DCDC1: variants seen among roughly 807,000 people sequenced by gnomAD.
The protein encoded by DCDC1 is doublecortin domain-containing protein 1.
Under a neutral mutation model 178.3 loss-of-function variants are expected in DCDC1, and 200 were observed. The ratio of observed to expected loss-of-function variants is 1.12; its 90% confidence interval spans 1.00 to 1.26. DCDC1 has a LOEUF of 1.26. Ranked by LOEUF, DCDC1 falls within the 50% of genes most tolerant of loss-of-function variation. The pLI is 0.00. For missense variants in DCDC1, 1,983 were observed against 1,749.2 expected (o/e 1.13, Z -2.38); for synonymous variants, 690 against 604.8 (o/e 1.14, Z -2.07).
rs58611104 is a variant in DCDC1, at chr11:31,054,244, G to GA, written c.2591+10224dup. Reference sequence around the variant, plus strand: ...TACAATAGCTGAAAAAAGGAAAAAAGAAAAAAAAAAAAAACAACTTAAGAA... The same window carrying GA: ...TACAATAGCTGAAAAAAGGAAAAAAGAAAAAAAAAAAAAAACAACTTAAGAA... On this transcript the variant is annotated intron_variant, in intron 20 of 38. Transcript: ENST00000684477. Among the ~76,000 whole-genome samples the GA allele has an allele frequency of 2.9e-3, 341 of 119,024 alleles. 1 individual carries two copies. Among genetic ancestry groups the GA allele is most frequent in the Middle Eastern group, 4.3e-3 (1 of 232 alleles). 78.1% of individuals were successfully genotyped at this position (119,024 alleles called of 152,430 possible).
intron 20 of DCDC1, among the ~76,000 whole-genome samples, chr11:30,988,483 C>G (rs906892364): frequency 6.6e-6 from 1 of 151,750 alleles, no homozygotes. Context: ...AAAATAAGCA[C>G]TCTATTTGGT....
chr11:30,985,294 A>G (rs1033854564), intron 20 of DCDC1, among the ~76,000 whole-genome samples: 3 of 152,194 alleles, frequency 2.0e-5, no homozygotes, highest in Non-Finnish European at 4.4e-5. Flanking sequence ...AGGAGAATGC[A>G]ATCATTTCAG....
chr11:31,177,515 C>A lies in DCDC1; in HGVS notation c.1222-39731G>T, dbSNP rs572751684. Among the ~76,000 whole-genome samples the A allele has an allele frequency of 9.2e-5, 14 of 152,200 alleles. No homozygotes were observed. In the East Asian group the frequency reaches 2.3e-3, roughly 25 times the overall value. ...ATTAAGAGAACTGTAGGAGTAAGTC[C>A]TTATCCATCAGTAATAATCTTCAAT... On this transcript the variant is annotated intron_variant, in intron 9 of 38. Transcript: ENST00000684477.
intron 9 of DCDC1, among the ~76,000 whole-genome samples, chr11:31,183,335 A>G (rs1047883183): frequency 2.0e-5 from 3 of 152,228 alleles, no homozygotes; most frequent in African/African-American, 7.2e-5. Flanking sequence ...AAAATTGACC[A>G]CATAATTGGA....
rs151020973 is a variant in DCDC1 at position 31,203,432 on chromosome 11, G to A, written c.1221+38018C>T. ...CTGTGTTTCTGAGGTCATAGGGATA[G>A]TTTGCAGCCACTGGTTACAGACTGA... On this transcript the variant is annotated intron_variant, in intron 9 of 38. Transcript: ENST00000684477. 4.9e-3 allele frequency among the ~76,000 whole-genome samples: 749 copies of A among 152,314 alleles called. 2 individuals carry two copies. The highest frequency in any genetic ancestry group is 0.01 in the Middle Eastern group (3 of 292).
intron 9 of DCDC1, among the ~76,000 whole-genome samples, chr11:31,236,663 A>C (rs1411997282): frequency 1.3e-5 from 2 of 151,954 alleles, no homozygotes; most frequent in Admixed American, 6.6e-5. Flanking sequence ...AAAAATCAAC[A>C]ATCACTCAAA....
intron 9 of DCDC1, among the ~76,000 whole-genome samples, chr11:31,209,280 C>T (rs553229679): frequency 5.6e-4 from 85 of 152,236 alleles, no homozygotes; most frequent in South Asian, 2.9e-3. Context: ...AAGTTAAGTA[C>T]GTTCCCTCCG....
chr11:31,328,927 A>T (rs1949798328), intron 2 of DCDC1, among the ~76,000 whole-genome samples: 1 of 149,086 alleles, frequency 6.7e-6, no homozygotes, highest in African/African-American at 2.4e-5. Context: ...TACGTTACTG[A>T]AAAAGCACAC....
intron 9 of DCDC1, among the ~76,000 whole-genome samples, chr11:31,196,466 C>G (rs1040000718): frequency 2.0e-5 from 3 of 152,070 alleles, no homozygotes; most frequent in Admixed American, 2.0e-4. Flanking sequence ...ACACTTCTGT[C>G]TGACTTGGCT....
intron 9 of DCDC1, among the ~76,000 whole-genome samples, chr11:31,151,313 C>T (rs919384230): frequency 1.3e-5 from 2 of 152,032 alleles, no homozygotes; most frequent in Admixed American, 6.6e-5. Flanking sequence ...AAATTCAAAT[C>T]GAAGCATAAA....
intron 17 of DCDC1, among the ~76,000 whole-genome samples, chr11:31,079,191 T>C (rs2135567766): frequency 6.6e-6 from 1 of 152,266 alleles, no homozygotes; most frequent in African/African-American, 2.4e-5. Context: ...AAAGAGGAGC[T>C]GGAGAATGAG....
chr11:30,869,473 C>T (rs1013425043), intron 38 of DCDC1, among the ~76,000 whole-genome samples: 2 of 152,146 alleles, frequency 1.3e-5, no homozygotes, highest in Non-Finnish European at 2.9e-5. Flanking sequence ...TTCATGAACG[C>T]CTGCTATGTA....
chr11:31,127,475 C>T lies in DCDC1; in HGVS notation c.1479G>A (p.Gln493=), dbSNP rs1209786522. 3 of 702,210 alleles carry T rather than the reference C, an allele frequency of 4.3e-6. No individual in the cohort carries two copies. Among genetic ancestry groups the T allele is most frequent in the Non-Finnish European group, 7.8e-6 (3 of 384,574 alleles). The allele number at this position is 702,210 out of a possible 1,614,324, so 43.5% of individuals were successfully genotyped here. ...GGCACAGAACGACACCCACCTTAAGCTGCAGGCCTCCTGGGACAAGCGTGT... is the reference window on the plus strand; with the variant it reads ...GGCACAGAACGACACCCACCTTAAGTTGCAGGCCTCCTGGGACAAGCGTGT... ...PANTLVPGGL[Q]LKVFENGKNT... The change falls in exon 11 of 39, where the codon CAG becomes CAA. Residue 493 remains glutamine (Q), a synonymous_variant. Transcript: ENST00000684477.
chr11:31,162,790 T>C (rs895494984), intron 9 of DCDC1, among the ~76,000 whole-genome samples: 1 of 152,198 alleles, frequency 6.6e-6, no homozygotes, highest in Non-Finnish European at 1.5e-5. Flanking sequence ...CTGCATATCA[T>C]TAGCACTATA....
At chr11:31,043,416 G>C (rs995452632) in intron 20 of DCDC1, among the ~76,000 whole-genome samples, 3 of 152,094 alleles carry the variant, frequency 2.0e-5, no homozygotes, top group Non-Finnish European at 4.4e-5. Context: ...CTGAGATGGA[G>C]AAAAATAGAA....
intron 20 of DCDC1, among the ~76,000 whole-genome samples, chr11:30,954,659 T>C (rs1948662842): frequency 6.6e-6 from 1 of 152,172 alleles, no homozygotes; most frequent in South Asian, 2.1e-4. Flanking sequence ...ATACTGGTCC[T>C]AGAAATGAAA....
At chr11:30,948,522 A>T (rs1244167243) in intron 21 of DCDC1, among the ~76,000 whole-genome samples, 1 of 152,180 alleles carries the variant, frequency 6.6e-6, no homozygotes, top group South Asian at 2.1e-4. Flanking sequence ...TTCATATGGA[A>T]CCAAAAAAGA....
chr11:30,898,241 C>T (rs1944383569), intron 34 of DCDC1, among the ~76,000 whole-genome samples: 1 of 152,094 alleles, frequency 6.6e-6, no homozygotes, highest in Non-Finnish European at 1.5e-5. Flanking sequence ...TATCATAATA[C>T]CTTCGCATTT....
At chr11:31,017,638 G>GCCACT (rs1952571602) in intron 20 of DCDC1, among the ~76,000 whole-genome samples, 1 of 150,856 alleles carries the variant, frequency 6.6e-6, no homozygotes, top group African/African-American at 2.4e-5. Flanking sequence ...GGAGTGCAGT[G>GCCACT]GCAGAATCAC....
Sources: allele counts gnomAD v4.1 joint callset (sites outside exome capture counted in the v4.1 genomes callset), GRCh38; gene constraint gnomAD v4.1.1; transcripts MANE v1.5; gene names NCBI Gene and HGNC (gene_info 2026-07-23, HGNC 2026-07-21).